Variants in DLGAP2 observed in about 807,000 individuals in gnomAD.
The protein encoded by DLGAP2 is DLG associated protein 2.
Under a neutral mutation model 100.3 loss-of-function variants are expected in DLGAP2, and 26 were observed. That is an observed-to-expected ratio of 0.26 (90% confidence interval 0.19 to 0.36). The LOEUF is 0.36. Ranked by LOEUF, DLGAP2 falls within the 10% of genes least tolerant of loss-of-function variation. The pLI is 1.00. For missense variants in DLGAP2, 1,858 were observed against 1,453.2 expected (o/e 1.28, Z -4.53); for synonymous variants, 886 against 630.1 (o/e 1.41, Z -6.08).
At chr8:1,586,414 T>G (rs960432573) in intron 6 of DLGAP2, among the ~76,000 whole-genome samples, 4 of 152,172 alleles carry the variant, frequency 2.6e-5, no homozygotes, top group African/African-American at 9.7e-5. Context: ...TCTCTCTCAC[T>G]CTGCAGACCC....
At chr8:959,862 A>G (rs1799682397) in intron 2 of DLGAP2, among the ~76,000 whole-genome samples, 1 of 152,206 alleles carries the variant, frequency 6.6e-6, no homozygotes, top group South Asian at 2.1e-4. Context: ...CTCATATAAA[A>G]TGAGTTTTAT....
At chr8:811,665 C>G (rs1185860175) in intron 1 of DLGAP2, among the ~76,000 whole-genome samples, 1 of 150,386 alleles carries the variant, frequency 6.6e-6, no homozygotes, top group Non-Finnish European at 1.5e-5. Context: ...GGGGGCCCTG[C>G]CAGGGCTCCT....
intron 3 of DLGAP2, among the ~76,000 whole-genome samples, chr8:1,474,306 G>A (rs778593236): frequency 2.0e-5 from 3 of 152,112 alleles, no homozygotes; most frequent in Non-Finnish European, 4.4e-5. Flanking sequence ...GGCTGGTTCC[G>A]TGTTTTTGTG....
chr8:866,888 G>A (rs1021068099), intron 1 of DLGAP2, among the ~76,000 whole-genome samples: 5 of 152,126 alleles, frequency 3.3e-5, no homozygotes, highest in African/African-American at 9.7e-5. Context: ...TTCTCCTGTC[G>A]CCCCAACATG....
chr8:1,133,256 C>T (rs1424846597), intron 2 of DLGAP2, among the ~76,000 whole-genome samples: 1 of 152,142 alleles, frequency 6.6e-6, no homozygotes, highest in East Asian at 1.9e-4. Context: ...CCTTTACTTC[C>T]ATGCCTGGGG....
intron 1 of DLGAP2, among the ~76,000 whole-genome samples, chr8:845,144 C>T (rs781440958): frequency 1.3e-5 from 2 of 152,170 alleles, no homozygotes; most frequent in Non-Finnish European, 2.9e-5. Context: ...CAACTTTTTG[C>T]GTGAACATAT....
chr8:1,620,056 A>C (rs1797277607), intron 6 of DLGAP2, among the ~76,000 whole-genome samples: 1 of 152,018 alleles, frequency 6.6e-6, no homozygotes, highest in South Asian at 2.1e-4. Context: ...CCCCCCATCC[A>C]AGAAAACTCA....
At chr8:1,288,638 T>C (rs1799992201) in intron 3 of DLGAP2, among the ~76,000 whole-genome samples, 1 of 146,082 alleles carries the variant, frequency 6.8e-6, no homozygotes, top group African/African-American at 2.5e-5. Flanking sequence ...CATTTCAGTG[T>C]GTGTGTGTAC....
intron 2 of DLGAP2, among the ~76,000 whole-genome samples, chr8:1,069,911 C>T (rs1461110811): frequency 6.6e-6 from 1 of 152,172 alleles, no homozygotes; most frequent in Non-Finnish European, 1.5e-5. Context: ...TCCCGTCCTC[C>T]TTTTGCCAGG....
intron 3 of DLGAP2, among the ~76,000 whole-genome samples, chr8:1,267,637 G>GAAAAAAAATAAAATAAAATAAAATCAAA (rs1382093781): frequency 1.1e-5 from 1 of 91,980 alleles, no homozygotes; most frequent in African/African-American, 4.3e-5. Context: ...TATTAAATAG[G>GAAAAAAAATAAAATAAAATAAAATCAAA]TCTACAAAAA....
chr8:1,024,163 A>G (rs1801714987), intron 2 of DLGAP2, among the ~76,000 whole-genome samples: 1 of 108,632 alleles, frequency 9.2e-6, no homozygotes, highest in African/African-American at 2.7e-5. Context: ...TCCATCCACC[A>G]CCCACCCTCC....
intron 2 of DLGAP2, among the ~76,000 whole-genome samples, chr8:1,181,321 T>A (rs997119521): frequency 2.0e-5 from 3 of 152,224 alleles, no homozygotes; most frequent in Non-Finnish European, 4.4e-5. Flanking sequence ...TGTAGAAAAA[T>A]TAAAGCTTGA....
intron 6 of DLGAP2, among the ~76,000 whole-genome samples, chr8:1,577,036 A>T (rs1803008470): frequency 6.6e-6 from 1 of 152,232 alleles, no homozygotes; most frequent in Non-Finnish European, 1.5e-5. Context: ...AGGCTACAGT[A>T]ACCGAGACAG....
In DLGAP2 at chr8:1,580,216, T is replaced by C. The variant is rs576466855; in HGVS notation, c.1442+14322T>C. 9.9e-5 allele frequency among the ~76,000 whole-genome samples: 15 copies of C among 152,252 alleles called. No individual in the cohort carries two copies. The South Asian group carries it at 2.7e-3, about 27-fold the overall frequency. ...CTCAGAGAAAACGTGAAAGTAACTA[T>C]AGTTATGCGATCAAGCAGCGGCACA... is the stretch of plus-strand genomic sequence containing the variant. On this transcript the variant is annotated intron_variant, in intron 6 of 14. Coordinates refer to ENST00000637795, the MANE Select transcript of DLGAP2 (RefSeq NM_001346810.2).
At chr8:994,866 T>G (rs1370943009) in intron 2 of DLGAP2, among the ~76,000 whole-genome samples, 4 of 152,186 alleles carry the variant, frequency 2.6e-5, no homozygotes, top group Admixed American at 6.5e-5. Context: ...CTGGGGTATT[T>G]TACACTTGAG....
intron 2 of DLGAP2, among the ~76,000 whole-genome samples, chr8:1,101,559 C>T (rs1023161503): frequency 6.6e-6 from 1 of 152,130 alleles, no homozygotes; most frequent in Non-Finnish European, 1.5e-5. Flanking sequence ...GCGGCAGACG[C>T]TCAGTCTGGG....
At chr8:1,225,045 C>G (rs1585167363) in intron 2 of DLGAP2, among the ~76,000 whole-genome samples, 1 of 152,158 alleles carries the variant, frequency 6.6e-6, no homozygotes, top group Non-Finnish European at 1.5e-5. Flanking sequence ...TTTTCACTAT[C>G]CACAAAAACT....
chr8:1,553,312 G>C (rs1220510832), intron 5 of DLGAP2, among the ~76,000 whole-genome samples: 1 of 152,206 alleles, frequency 6.6e-6, no homozygotes, highest in Non-Finnish European at 1.5e-5. Context: ...CCGCAACCCT[G>C]GCCCTCCTGG....
At chr8:810,112 G>A (rs928695005) in intron 1 of DLGAP2, among the ~76,000 whole-genome samples, 2 of 152,174 alleles carry the variant, frequency 1.3e-5, no homozygotes. Context: ...TTCATGACTT[G>A]TAGGTCTTCA....
Sources: allele counts gnomAD v4.1 joint callset (sites outside exome capture counted in the v4.1 genomes callset), GRCh38; gene constraint gnomAD v4.1.1; transcripts MANE v1.5; gene names NCBI Gene and HGNC (gene_info 2026-07-23, HGNC 2026-07-21).